The following ADAMTSL1 variants were observed in gnomAD, a reference collection of about 807,000 sequenced individuals.
ADAMTSL1 encodes the protein ADAMTS like 1.
In ADAMTSL1, 126 loss-of-function variants were observed where a neutral mutation model predicts 201.8. The ratio of observed to expected loss-of-function variants is 0.62; its 90% CI spans 0.54 to 0.72. The LOEUF is 0.72. Among genes scored for constraint, ADAMTSL1 ranks in the 30% least tolerant of loss-of-function variants. The pLI is 0.00. For synonymous variants in ADAMTSL1, 1,121 were observed against 903.4 expected (o/e 1.24, Z -4.32); for missense variants, 2,679 against 2,277.8 (o/e 1.18, Z -3.59).
intron 5 of ADAMTSL1, among the ~76,000 whole-genome samples, chr9:18,622,806 C>T (rs867837449): frequency 1.3e-5 from 2 of 152,186 alleles, no homozygotes; most frequent in Non-Finnish European, 2.9e-5. Flanking sequence ...TTGGTCAGTA[C>T]TAAAACAAGT....
At chr9:18,319,016 C>T (rs1420813697) in intron 2 of ADAMTSL1, among the ~76,000 whole-genome samples, 1 of 152,122 alleles carries the variant, frequency 6.6e-6, no homozygotes, top group East Asian at 1.9e-4. Context: ...TGAGACTAGC[C>T]TGGGCAATAT....
At chr9:18,526,421 G>A (rs1010831872) in intron 2 of ADAMTSL1, among the ~76,000 whole-genome samples, 12 of 152,150 alleles carry the variant, frequency 7.9e-5, no homozygotes, top group African/African-American at 2.9e-4. Context: ...TTTAATTGGA[G>A]CATTTAGCCC....
intron 8 of ADAMTSL1, among the ~76,000 whole-genome samples, chr9:18,659,053 A>T (rs1009045167): frequency 6.6e-6 from 1 of 152,244 alleles, no homozygotes; most frequent in African/African-American, 2.4e-5. Flanking sequence ...CGTAATGGAT[A>T]TAAAATTATA....
intron 23 of ADAMTSL1, among the ~76,000 whole-genome samples, chr9:18,883,563 G>A (rs188371515): frequency 1.3e-5 from 2 of 152,226 alleles, no homozygotes; most frequent in African/African-American, 2.4e-5. Flanking sequence ...CTGAAACTCT[G>A]CACTCCTCCT....
rs553728944 is a variant in ADAMTSL1 at position 18,718,164 on chromosome 9, T to G, written c.1877-3372T>G. The stretch of plus-strand genomic sequence containing the variant: ...TTCTTCCTTCCCTACAGCTCTTTCA[T>G]CTTCCAAGTCATACTTATTACCAAC... On this transcript the variant is annotated intron_variant, in intron 14 of 28. Transcript: ENST00000380548. 5.7e-4 allele frequency: 466 copies of G among 814,072 alleles called. 6 individuals are homozygous for G. Among genetic ancestry groups the G allele is most frequent in the South Asian group, 3.1e-3 (235 of 75,088 alleles). The allele number at this position is 814,072 out of a possible 1,614,324, so 50.4% of individuals were successfully genotyped here.
chr9:18,842,949 C>T lies in ADAMTSL1; in HGVS notation c.4249+12972C>T, dbSNP rs59836520. 7.0e-3 allele frequency among the ~76,000 whole-genome samples: 1,060 copies of T among 152,214 alleles called. 17 individuals are homozygous for T. The highest frequency in any genetic ancestry group is 0.024 in the African/African-American group (1,016 of 41,488). ...ATGTCTCTGCGCGTGAGATGGGTTT[C>T]CTGAATACAGCACACTGATGGGTCT... On this transcript the variant is annotated intron_variant, in intron 23 of 28. Coordinates refer to ENST00000380548, the MANE Select transcript of ADAMTSL1 (RefSeq NM_001040272.6).
intron 2 of ADAMTSL1, among the ~76,000 whole-genome samples, chr9:18,517,077 A>G (rs1341245486): frequency 2.0e-5 from 3 of 152,208 alleles, no homozygotes; most frequent in African/African-American, 7.2e-5. Context: ...GGAAGATGGA[A>G]AAGTTGGACT....
At chr9:18,268,539 A>T (rs1207245449) in intron 2 of ADAMTSL1, among the ~76,000 whole-genome samples, 1 of 152,174 alleles carries the variant, frequency 6.6e-6, no homozygotes, top group Non-Finnish European at 1.5e-5. Flanking sequence ...AAGCATTCCC[A>T]TCCTCTCTGG....
chr9:18,101,726 T>C (rs187607265), intron 1 of ADAMTSL1, among the ~76,000 whole-genome samples: 8 of 152,162 alleles, frequency 5.3e-5, no homozygotes, highest in South Asian at 4.1e-4. Flanking sequence ...TTATTGCAGG[T>C]AGGATTGAAT....
intron 4 of ADAMTSL1, among the ~76,000 whole-genome samples, chr9:18,586,755 C>G (rs1005723821): frequency 1.3e-5 from 2 of 151,972 alleles, no homozygotes; most frequent in Non-Finnish European, 2.9e-5. Flanking sequence ...GACACATAGA[C>G]CAATGGAACA....
chr9:17,908,091 G>C lies in ADAMTSL1; in HGVS notation c.87+1169G>C, dbSNP rs995325807. Among the ~76,000 whole-genome samples the C allele has an allele frequency of 2.6e-5, 4 of 152,146 alleles. No individual in the cohort carries two copies. The South Asian group carries it at 6.2e-4, about 24-fold the overall frequency. On this transcript the variant is annotated intron_variant, in intron 1 of 29. Transcript: ENST00000680146. Reference sequence around the variant, plus strand: ...CACTTCTAGAGGCTGAGAGAGGACCGAGAATGTTGTCTCAGAAGGGCCCGG... The same window carrying C: ...CACTTCTAGAGGCTGAGAGAGGACCCAGAATGTTGTCTCAGAAGGGCCCGG...
In ADAMTSL1 at chr9:18,255,844, CTT is replaced by C. The variant is rs539184087; in HGVS notation, c.207+91865_207+91866del. 4.9e-4 allele frequency among the ~76,000 whole-genome samples: 74 copies of C among 152,322 alleles called. 1 individual carries two copies. The highest frequency in any genetic ancestry group is 1.7e-3 in the African/African-American group (70 of 41,572). ...CTTGGTAAGCCTTTCCATCTACCCT[CTT>C]TGTCAGAAGACTCAGGGAGTCTTTC... On this transcript the variant is annotated intron_variant, in intron 2 of 29. Coordinates refer to the ADAMTSL1 transcript ENST00000680146.
At chr9:18,060,841 C>T (rs551109825) in intron 1 of ADAMTSL1, among the ~76,000 whole-genome samples, 1 of 152,140 alleles carries the variant, frequency 6.6e-6, no homozygotes, top group Non-Finnish European at 1.5e-5. Context: ...ATACACATTA[C>T]TTATTAACTT....
intron 2 of ADAMTSL1, among the ~76,000 whole-genome samples, chr9:18,350,679 C>T (rs1015622207): frequency 4.6e-5 from 7 of 152,076 alleles, no homozygotes; most frequent in African/African-American, 1.4e-4. Flanking sequence ...GAAATCATCA[C>T]AAAATGGCAA....
chr9:18,098,590 A>G (rs1824355157), intron 1 of ADAMTSL1, among the ~76,000 whole-genome samples: 1 of 152,230 alleles, frequency 6.6e-6, no homozygotes, highest in Non-Finnish European at 1.5e-5. Context: ...AGTTTGCTAA[A>G]TTAACTTACT....
intron 2 of ADAMTSL1, among the ~76,000 whole-genome samples, chr9:18,239,581 A>G (rs779141906): frequency 1.3e-5 from 2 of 151,966 alleles, no homozygotes; most frequent in Non-Finnish European, 2.9e-5. Context: ...TCTACTGAAA[A>G]TAGAAAAAAA....
chr9:17,954,572 A>C (rs1827856195), intron 1 of ADAMTSL1, among the ~76,000 whole-genome samples: 1 of 152,176 alleles, frequency 6.6e-6, no homozygotes, highest in Admixed American at 6.5e-5. Flanking sequence ...GTTACTGATA[A>C]AAAGCTCAAG....
chr9:18,039,299 G>T, intron 1 of ADAMTSL1, among the ~76,000 whole-genome samples: 1 of 152,084 alleles, frequency 6.6e-6, no homozygotes, highest in Admixed American at 6.6e-5. Context: ...CTGGGAAAAT[G>T]TCATCTTTTG....
chr9:18,892,230 G>T (rs1469282675), intron 25 of ADAMTSL1, among the ~76,000 whole-genome samples, 159 bp from the exon 26 acceptor site: 1 of 152,266 alleles, frequency 6.6e-6, no homozygotes, highest in South Asian at 2.1e-4. Context: ...TTTTGGAGGA[G>T]TCATTTTTCA....
Sources: gnomAD v4.1 joint callset for allele counts (sites outside exome capture counted in the v4.1 genomes callset) on GRCh38, gnomAD v4.1.1 for gene constraint, MANE v1.5 for transcripts, NCBI Gene and HGNC (gene_info 2026-07-23, HGNC 2026-07-21) for gene names.